CMIP: variants seen among roughly 807,000 people sequenced by gnomAD.
The protein encoded by CMIP is c-Maf inducing protein, also known as C-Maf-inducing protein.
In CMIP, 13 loss-of-function variants were observed where a neutral mutation model predicts 97.3. The observed-to-expected ratio is 0.13, with a 90% CI of 0.09 to 0.21. CMIP has a LOEUF of 0.21. Ranked by LOEUF, CMIP falls within the 10% of genes least tolerant of loss-of-function variation. The pLI is 1.00. For synonymous variants in CMIP, 538 were observed against 436.3 expected, an observed-to-expected ratio of 1.23 and a Z score of -2.91; for missense variants, 847 against 1,024.9, an observed-to-expected ratio of 0.83 and a Z score of 2.37.
intron 3 of CMIP, among the ~76,000 whole-genome samples, chr16:81,646,570 TCAC>T (rs971016719): frequency 6.6e-6 from 1 of 152,236 alleles, no homozygotes; most frequent in Non-Finnish European, 1.5e-5. Context: ...TGTACAGTCA[TCAC>T]CACAATTCAG....
intron 11 of CMIP, 141 bp downstream of exon 11, chr16:81,691,981 C>T: frequency 4.2e-6 from 3 of 721,692 alleles, no homozygotes; most frequent in South Asian, 3.3e-5. Context: ...GGTACCAGCT[C>T]AGCCACGTCC....
intron 3 of CMIP, among the ~76,000 whole-genome samples, chr16:81,649,308 C>T (rs983742609): frequency 1.7e-4 from 26 of 152,250 alleles, no homozygotes; most frequent in African/African-American, 6.3e-4. Context: ...GTCCTCCCCG[C>T]TCCAAGGAGG....
chr16:81,482,738 A>G (rs780770161), intron 1 of CMIP, among the ~76,000 whole-genome samples: 2 of 152,200 alleles, frequency 1.3e-5, no homozygotes, highest in Non-Finnish European at 2.9e-5. Context: ...GAAGGTGACA[A>G]ACCCGGGCTT....
At chr16:81,678,216 T>C in intron 9 of CMIP, 59 bp from the exon 10 acceptor site, 1 of 1,325,038 alleles carries the variant, frequency 7.5e-7, no homozygotes, top group East Asian at 2.5e-5. Flanking sequence ...GTCTGATGGG[T>C]CATGGTGCAT....
At chr16:81,540,229 C>T (rs1409071615) in intron 1 of CMIP, among the ~76,000 whole-genome samples, 1 of 152,226 alleles carries the variant, frequency 6.6e-6, no homozygotes, top group East Asian at 1.9e-4. Flanking sequence ...TCAGAGCACA[C>T]TGATTTGATG....
intron 1 of CMIP, chr16:81,603,396 A>G (rs749262026): frequency 4.4e-6 from 2 of 454,312 alleles, no homozygotes; most frequent in South Asian, 3.1e-5. Flanking sequence ...TTTTGTTTTT[A>G]AATAAACATT....
At chr16:81,618,120 C>A (rs34945970) in intron 2 of CMIP, among the ~76,000 whole-genome samples, 68,265 of 152,066 alleles carry the variant, frequency 0.45, 16,160 homozygotes, top group East Asian at 0.79. Context: ...GCTGTGACTG[C>A]TTGCCCCTAA....
At chr16:81,452,933 T>C (rs1344206831) in intron 1 of CMIP, among the ~76,000 whole-genome samples, 1 of 143,644 alleles carries the variant, frequency 7.0e-6, no homozygotes, top group East Asian at 2.1e-4. Context: ...CAATAAATAG[T>C]GAAGAATAGC....
At chr16:81,515,679 C>T (rs961510075) in intron 1 of CMIP, among the ~76,000 whole-genome samples, 2 of 152,142 alleles carry the variant, frequency 1.3e-5, no homozygotes, top group Non-Finnish European at 2.9e-5. Context: ...ATTCTAAGGA[C>T]CGGAGGTTGG....
intron 1 of CMIP, among the ~76,000 whole-genome samples, chr16:81,465,871 G>A (rs1156370778): frequency 1.3e-5 from 2 of 152,362 alleles, no homozygotes; most frequent in South Asian, 2.1e-4. Context: ...GTGCCCGGCT[G>A]AGGGCTGGGC....
chr16:81,664,710 C>T (rs1301771766), intron 7 of CMIP: 7 of 449,220 alleles, frequency 1.6e-5, no homozygotes, highest in Non-Finnish European at 2.3e-5. Flanking sequence ...CAGCGAGGTC[C>T]TTCCAGAGAG....
At chr16:81,699,878 G>C in intron 15 of CMIP, 77 bp downstream of exon 15, 2 of 1,008,160 alleles carry the variant, frequency 2.0e-6, no homozygotes, top group Non-Finnish European at 3.0e-6. Flanking sequence ...CATCTGCTGG[G>C]AGCCAGGAGC....
chr16:81,520,653 A>AATC (rs2090006653), intron 1 of CMIP: 1 of 152,004 alleles, frequency 6.6e-6, no homozygotes, highest in Admixed American at 6.6e-5. Flanking sequence ...TGTGATTAAT[A>AATC]AGTAGGGCCT....
At position 81,620,945 on chromosome 16, in the gene CMIP, G is replaced by T. The variant is rs765044943; in HGVS notation, c.477+19G>T. 6.2e-7 allele frequency: 1 copy of T among 1,613,762 alleles called. No homozygotes were observed. The highest frequency in any genetic ancestry group is 8.5e-7 in the Non-Finnish European group (1 of 1,179,712). ...ATGGAAGGTAAGTACTGACTCGGTT[G>T]CTTGTTTAAAGCGACTCAGGCAGTG... On this transcript the variant is annotated intron_variant, in intron 3 of 20. Transcript: ENST00000537098.
At chr16:81,701,185 C>G (rs1907361006) in intron 15 of CMIP, among the ~76,000 whole-genome samples, 1 of 152,210 alleles carries the variant, frequency 6.6e-6, no homozygotes, top group South Asian at 2.1e-4. Context: ...TGTTGACCCC[C>G]AGGCCGAAGA....
At chr16:81,466,349 C>G (rs749401223) in intron 1 of CMIP, among the ~76,000 whole-genome samples, 1 of 152,232 alleles carries the variant, frequency 6.6e-6, no homozygotes, top group Admixed American at 6.5e-5. Flanking sequence ...GCATGAGCCA[C>G]TAGGCCTGGC....
rs979507881 is a variant in CMIP at position 81,476,150 on chromosome 16, C to G, written c.300+30609C>G. 5.4e-5 allele frequency: 58 copies of G among 1,074,984 alleles called. No homozygotes were observed. The South Asian group carries it at 6.1e-4, about 11-fold the overall frequency. The allele number at this position is 1,074,984 out of a possible 1,614,324, so 66.6% of individuals were successfully genotyped here. A position where few individuals can be genotyped will look rare whatever the true frequency, so the allele number is the denominator to read the frequency against. ...CACCTTGCCGGAGACCACGTGCTTG[C>G]GTTCAACCACTCAGTCTTGGCAGTG... On this transcript the variant is annotated intron_variant, in intron 1 of 20. Transcript: ENST00000537098.
chr16:81,534,127 T>C (rs1314056300), intron 1 of CMIP, among the ~76,000 whole-genome samples: 1 of 152,210 alleles, frequency 6.6e-6, no homozygotes, highest in Non-Finnish European at 1.5e-5. Context: ...CCGGGCAGCC[T>C]GTGGCCAGGC....
chr16:81,507,602 A>T (rs928421568), intron 1 of CMIP, among the ~76,000 whole-genome samples: 1 of 152,224 alleles, frequency 6.6e-6, no homozygotes, highest in Non-Finnish European at 1.5e-5. Context: ...GGGAACATCC[A>T]CTTTAGACAA....
Sources: gnomAD v4.1 joint callset for allele counts (sites outside exome capture counted in the v4.1 genomes callset) on GRCh38, gnomAD v4.1.1 for gene constraint, MANE v1.5 for transcripts, NCBI Gene and HGNC (gene_info 2026-07-23, HGNC 2026-07-21) for gene names.